Variants in MAPK9 observed in about 807,000 individuals in gnomAD.
The protein encoded by MAPK9 is Jun kinase.
MAPK9 carries 30 observed loss-of-function variants against 57.1 expected under a neutral mutation model. The ratio of observed to expected loss-of-function variants is 0.53; its 90% CI spans 0.39 to 0.71. The LOEUF (loss-of-function observed/expected upper bound fraction) is 0.71. Among genes scored for constraint, MAPK9 ranks in the 30% least tolerant of loss-of-function variants. The pLI is 0.00. For synonymous variants in MAPK9, 155 were observed against 177.0 expected (o/e 0.88, Z 0.99); for missense variants, 362 against 521.0 (o/e 0.69, Z 2.97).
chr5:180,238,248 C>A, intron 11 of MAPK9, 84 bp downstream of exon 11: 1 of 1,041,054 alleles, frequency 9.6e-7, no homozygotes. Flanking sequence ...CCAGCCTGGG[C>A]GACAGAACGA....
chr5:180,243,962 C>T (rs111538377), intron 7 of MAPK9, among the ~76,000 whole-genome samples: 1 of 152,176 alleles, frequency 6.6e-6, no homozygotes, highest in East Asian at 1.9e-4. Flanking sequence ...ATTCTCGTGC[C>T]TCAGCCTCCC....
intron 1 of MAPK9, among the ~76,000 whole-genome samples, chr5:180,290,712 G>C (rs1353221374): frequency 6.6e-6 from 1 of 152,258 alleles, no homozygotes; most frequent in African/African-American, 2.4e-5. Context: ...CTGCTTACAA[G>C]TTTCACACGC....
chr5:180,281,587 T>C (rs545469467), intron 1 of MAPK9, among the ~76,000 whole-genome samples: 1 of 152,374 alleles, frequency 6.6e-6, no homozygotes. Flanking sequence ...GAATGTATTC[T>C]ACAGCTCTGT....
chr5:180,281,177 T>G (rs1411126068), intron 1 of MAPK9, among the ~76,000 whole-genome samples: 1 of 152,266 alleles, frequency 6.6e-6, no homozygotes, highest in African/African-American at 2.4e-5. Flanking sequence ...CACGTGCTCC[T>G]GCCTCAGGAG....
chr5:180,282,041 C>T (rs1283699880), intron 1 of MAPK9, among the ~76,000 whole-genome samples: 1 of 152,220 alleles, frequency 6.6e-6, no homozygotes, highest in Non-Finnish European at 1.5e-5. Context: ...AGGAGCTCTC[C>T]AGGCTGGCAG....
At position 180,239,977 on chromosome 5, in the gene MAPK9, T is replaced by C; in HGVS notation, c.1007A>G (p.Gln336Arg). Residue 336 changes from glutamine (Q) to arginine (R), a missense_variant, in exon 10 of 12, where the codon CAA (glutamine) becomes CGA (arginine). Gln to Arg is a conservative substitution (Grantham distance 43, BLOSUM62 1). Transcript: ENST00000452135. ...TTCTTCCAACTGGGCATCATAAATT[T>C]GAGGTGGTGGCTAAAAATTAAATCA... is the stretch of plus-strand genomic sequence containing the variant. ...DPAEAEAPPP[Q>R]IYDAQLEERE... 1.2e-6 allele frequency: 2 copies of C among 1,613,402 alleles called. No homozygotes were observed. Among genetic ancestry groups the C allele is most frequent in the Non-Finnish European group, 8.5e-7 (1 of 1,179,814 alleles).
chr5:180,255,581 C>T (rs1759189441), intron 5 of MAPK9, among the ~76,000 whole-genome samples: 1 of 151,914 alleles, frequency 6.6e-6, no homozygotes, highest in African/African-American at 2.4e-5. Context: ...AAAAACCTCA[C>T]ACAAATAGAG....
intron 3 of MAPK9, 82 bp downstream of exon 3, chr5:180,269,198 C>A: frequency 7.1e-7 from 1 of 1,412,264 alleles, no homozygotes; most frequent in South Asian, 1.2e-5. Flanking sequence ...GGTCTGAACT[C>A]AATGTATCTC....
rs1220124956 is a variant in MAPK9, at chr5:180,276,185, T to C, written c.122+4255A>G. Among the ~76,000 whole-genome samples the C allele has an allele frequency of 3.5e-4, 53 of 152,226 alleles. 1 individual carries two copies. Among genetic ancestry groups the C allele is most frequent in the Admixed American group, 3.5e-3 (53 of 15,290 alleles). On this transcript the variant is annotated intron_variant, in intron 2 of 11. Transcript: ENST00000452135. ...TTTGTTGTGAACATTGTTATGTTTT[T>C]ATTTATTTATATTAATAGAAAATAA...
intron 5 of MAPK9, among the ~76,000 whole-genome samples, chr5:180,251,424 C>T (rs1333252071): frequency 1.3e-5 from 2 of 152,288 alleles, no homozygotes; most frequent in Admixed American, 1.3e-4. Context: ...GAAGACACTG[C>T]CATCTGTCAA....
intron 5 of MAPK9, among the ~76,000 whole-genome samples, chr5:180,257,430 TTGC>T (rs1266294851): frequency 2.0e-5 from 3 of 152,392 alleles, no homozygotes; most frequent in East Asian, 1.9e-4. Context: ...AGATGACCTC[TTGC>T]TGTTGGAACA....
intron 2 of MAPK9, among the ~76,000 whole-genome samples, chr5:180,270,876 A>G (rs934091757): frequency 2.8e-5 from 4 of 145,266 alleles, no homozygotes; most frequent in Non-Finnish European, 5.9e-5. Flanking sequence ...AAAAAAAAGA[A>G]AAAGAAAAAG....
chr5:180,242,657 T>A lies in MAPK9; in HGVS notation c.787A>T (p.Arg263Ter). The A allele has an allele frequency of 6.2e-7, 1 of 1,614,222 alleles. No homozygotes were observed. Among genetic ancestry groups the A allele is most frequent in the Non-Finnish European group, 8.5e-7 (1 of 1,180,012 alleles). ...AATTTGATTCCAGGATACTTTGGTC[T>A]GTTTTCGACATAATTCCTCACAGTT... ...QPTVRNYVEN[R>*]PKYPGIKFEE... Residue 263 changes from arginine to a stop codon, truncating the protein, a stop_gained, in exon 8 of 12, where the codon AGA (arginine) becomes TGA (stop). Coordinates refer to ENST00000452135, the MANE Select transcript of MAPK9 (RefSeq NM_002752.5). LOFTEE classifies it high-confidence loss of function.
chr5:180,254,964 G>A (rs148666643), intron 5 of MAPK9, among the ~76,000 whole-genome samples: 45 of 152,242 alleles, frequency 3.0e-4, no homozygotes, highest in Middle Eastern at 3.4e-3. Context: ...AACCCGAGAG[G>A]CAGAGTTTGC....
intron 5 of MAPK9, among the ~76,000 whole-genome samples, chr5:180,251,498 T>C (rs1457880254): frequency 6.6e-6 from 1 of 152,200 alleles, no homozygotes; most frequent in Admixed American, 6.5e-5. Flanking sequence ...GCTGGAAGAC[T>C]GTGGTGATAA....
In MAPK9 at chr5:180,280,439, C is replaced by T. The variant is rs1226139156; in HGVS notation, c.122+1G>A. On this transcript the variant is annotated splice_donor_variant, in intron 2 of 11. Coordinates refer to ENST00000452135, the MANE Select transcript of MAPK9 (RefSeq NM_002752.5). LOFTEE classifies it high-confidence loss of function. The stretch of plus-strand genomic sequence containing the variant: ...ACGCTATTAAAACAGACCATACTTA[C>T]CAAACAATCCCTTGGGCCCCAGAGC... 1 of 1,613,894 alleles carries T rather than the reference C, an allele frequency of 6.2e-7. No homozygotes were observed. The highest frequency in any genetic ancestry group is 1.7e-5 in the Admixed American group (1 of 59,962).
intron 1 of MAPK9, among the ~76,000 whole-genome samples, 179 bp downstream of exon 1, chr5:180,291,653 CCCGGGGCTGCTGACAG>C: frequency 6.6e-6 from 1 of 151,912 alleles, no homozygotes; most frequent in Admixed American, 6.6e-5. Context: ...AGGCCCGCAG[CCCGGGGCTGCTGACAG>C]CCGGGCGGAA....
In MAPK9 at chr5:180,245,066, AG is replaced by A. The variant is rs1167784437; in HGVS notation, c.689-2312del. ...CTATTCCCTTTGTCCCTCCACCTCA[AG>A]GGGGCTAAGTCCCGGGTCCTGGTCT... is the stretch of plus-strand genomic sequence containing the variant. On this transcript the variant is annotated intron_variant, in intron 7 of 11. Transcript: ENST00000452135. Among the ~76,000 whole-genome samples the A allele has an allele frequency of 5.3e-5, 8 of 152,072 alleles. No individual in the cohort carries two copies. The East Asian group carries it at 1.5e-3, about 29-fold the overall frequency.
chr5:180,279,147 G>A (rs941939176), intron 2 of MAPK9, among the ~76,000 whole-genome samples: 13 of 151,958 alleles, frequency 8.6e-5, no homozygotes, highest in Non-Finnish European at 1.5e-4. Context: ...TAGCAAAGAC[G>A]GGGTTTCACC....
Sources: gnomAD v4.1 joint callset for allele counts (sites outside exome capture counted in the v4.1 genomes callset) on GRCh38, gnomAD v4.1.1 for gene constraint, MANE v1.5 for transcripts, NCBI Gene and HGNC (gene_info 2026-07-23, HGNC 2026-07-21) for gene names.